DUOX1: variants seen among roughly 807,000 people sequenced by gnomAD.
DUOX1 encodes the protein dual oxidase 1.
Under a neutral mutation model 181.8 loss-of-function variants are expected in DUOX1, and 134 were observed. That is an observed-to-expected ratio of 0.74 (90% CI 0.64 to 0.85). The LOEUF (loss-of-function observed/expected upper bound fraction) is 0.85. Ranked by LOEUF, DUOX1 falls within the 40% of genes least tolerant of loss-of-function variation. The pLI, the probability that DUOX1 is intolerant of heterozygous loss-of-function variation, is 0.00. For missense variants in DUOX1, 1,814 were observed against 2,064.4 expected (o/e 0.88, Z 2.35); for synonymous variants, 798 against 832.5 (o/e 0.96, Z 0.71).
rs748643092 is a variant in DUOX1, at chr15:45,161,729, C to G, written c.3857-9C>G. 2 of 1,612,408 alleles carry G rather than the reference C, an allele frequency of 1.2e-6. No individual in the cohort carries two copies. Among genetic ancestry groups the G allele is most frequent in the South Asian group, 2.2e-5 (2 of 91,014 alleles). On this transcript the variant is annotated splice_polypyrimidine_tract_variant and intron_variant, in intron 29 of 33. Transcript: ENST00000389037. ...GGGCAGCAGCTTCTCACCCACCATCCCTCCCCAGGAGTGACCCACCTGCGG... is the reference window on the plus strand; with the variant it reads ...GGGCAGCAGCTTCTCACCCACCATCGCTCCCCAGGAGTGACCCACCTGCGG...
chr15:45,132,199 T>C (rs562018201), intron 2 of DUOX1, among the ~76,000 whole-genome samples, 175 bp downstream of exon 2: 1 of 152,364 alleles, frequency 6.6e-6, no homozygotes, highest in Admixed American at 6.5e-5. Context: ...AGATGGATAA[T>C]GGAATGAAAA....
At position 45,153,366 on chromosome 15, in the gene DUOX1, C is replaced by T; in HGVS notation, c.3425-14C>T. ...GGCTGCCCCAAGCTCACCACTTGGT[C>T]TGCTCTTCCTTAGTCTTACACAGTG... On this transcript the variant is annotated splice_polypyrimidine_tract_variant and intron_variant, in intron 25 of 33. Coordinates refer to ENST00000389037, the MANE Select transcript of DUOX1 (RefSeq NM_175940.3). 6.2e-7 allele frequency: 1 copy of T among 1,611,560 alleles called. No individual in the cohort carries two copies. Among genetic ancestry groups the T allele is most frequent in the Non-Finnish European group, 8.5e-7 (1 of 1,177,804 alleles).
intron 7 of DUOX1, 57 bp from the exon 8 acceptor site, chr15:45,136,293 C>T (rs756693028): frequency 1.9e-6 from 3 of 1,611,124 alleles, no homozygotes; most frequent in Non-Finnish European, 2.5e-6. Context: ...GGCTCAGACC[C>T]TTCCAGGTCC....
At position 45,155,922 on chromosome 15, in the gene DUOX1, A is replaced by T. The variant is rs771552492; in HGVS notation, c.3695A>T (p.Tyr1232Phe). ...ACCCACCACCTCTACATCCTGCTCTATGTCCTGGTGAGGGCTTTTGGCTGT... is the reference window on the plus strand; with the variant it reads ...ACCCACCACCTCTACATCCTGCTCTTTGTCCTGGTGAGGGCTTTTGGCTGT... ...WLTHHLYILL[Y>F]VLLIIHGSFA... Residue 1232 changes from tyrosine to phenylalanine, a missense_variant, in exon 28 of 34, where the codon TAT (tyrosine) becomes TTT (phenylalanine). Tyr to Phe is a conservative substitution (Grantham distance 22). Coordinates refer to ENST00000389037, the MANE Select transcript of DUOX1 (RefSeq NM_175940.3). 22 of 1,613,848 alleles carry T rather than the reference A, an allele frequency of 1.4e-5. No homozygotes were observed. Among genetic ancestry groups the T allele is most frequent in the Non-Finnish European group, 4.2e-6 (5 of 1,179,982 alleles).
chr15:45,130,374 C>G (rs901761252), intron 1 of DUOX1, among the ~76,000 whole-genome samples: 1 of 152,188 alleles, frequency 6.6e-6, no homozygotes, highest in Non-Finnish European at 1.5e-5. Flanking sequence ...CTCCTGGCAC[C>G]AGCACAACAT....
chr15:45,147,835 CCT>C, intron 19 of DUOX1, 67 bp from the exon 20 acceptor site: 2 of 1,531,272 alleles, frequency 1.3e-6, no homozygotes, highest in Non-Finnish European at 1.8e-6. Flanking sequence ...GTGTGAGGCC[CCT>C]TTTGGCCAGC....
In DUOX1 at chr15:45,135,183, C is replaced by G. The variant is rs747538395; in HGVS notation, c.387C>G (p.Pro129=). 3 of 1,613,488 alleles carry G rather than the reference C, an allele frequency of 1.9e-6. No individual in the cohort carries two copies. The highest frequency in any genetic ancestry group is 2.5e-6 in the Non-Finnish European group (3 of 1,179,986). ...AGTTCCTCAACATTCGCATCCCGCCCGGAGACCCCATGTTCGACCCCGACC... is the reference window on the plus strand; with the variant it reads ...AGTTCCTCAACATTCGCATCCCGCCGGGAGACCCCATGTTCGACCCCGACC... ...PAEFLNIRIP[P]GDPMFDPDQR... The change falls in exon 5 of 34, where the codon CCC becomes CCG. Residue 129 remains proline (P), a synonymous_variant. Transcript: ENST00000389037.
Position 45,165,102 on chromosome 15 carries a change from GT to G in DUOX1, c.*202del. 1 of 608,482 alleles carries G rather than the reference GT, an allele frequency of 1.6e-6. No homozygotes were observed. 37.7% of individuals were successfully genotyped at this position (608,482 alleles called of 1,614,324 possible). A position where few individuals can be genotyped will look rare whatever the true frequency, so the allele number is the denominator to read the frequency against. ...GGATGTGTCTCAGCCTGGAGAAATGGTGGGGGGGCAGTGTCTAGGGACTAGA... is the reference window on the plus strand; with the variant it reads ...GGATGTGTCTCAGCCTGGAGAAATGGGGGGGGGCAGTGTCTAGGGACTAGA... On this transcript the variant is annotated 3_prime_UTR_variant, in exon 34 of 34. Coordinates refer to ENST00000389037, the MANE Select transcript of DUOX1 (RefSeq NM_175940.3).
chr15:45,130,310 C>G (rs1356591010), intron 1 of DUOX1, among the ~76,000 whole-genome samples: 1 of 152,206 alleles, frequency 6.6e-6, no homozygotes, highest in East Asian at 1.9e-4. Context: ...AGACTGGGTT[C>G]TTTGGGACCT....
In DUOX1 at chr15:45,161,880, C is replaced by A. The variant is rs763472250; in HGVS notation, c.3999C>A (p.Ser1333Arg). The change falls in exon 30 of 34, where the codon AGC becomes AGA. Residue 1333 changes from serine (S) to arginine (R), a missense_variant. By Grantham distance (110) the Ser-to-Arg change is moderately radical. Around this residue, in one of 5 missense-constraint regions of DUOX1, gnomAD observed 279 missense variants for 381.9 expected, o/e 0.73. Transcript: ENST00000389037. ...LTSAPHEDTL[S>R]LHIRAAGPWT... ...CTGCGCCCCATGAGGACACGCTTAG[C>A]CTGCACATCCGGGCAGCAGGGCCCT... 5 of 1,613,862 alleles carry A rather than the reference C, an allele frequency of 3.1e-6. No homozygotes were observed. The highest frequency in any genetic ancestry group is 1.3e-5 in the African/African-American group (1 of 74,840).
intron 33 of DUOX1, 114 bp downstream of exon 33, chr15:45,164,032 T>G: frequency 6.9e-7 from 1 of 1,451,772 alleles, no homozygotes; most frequent in Admixed American, 2.1e-5. Context: ...ACCCATCCCC[T>G]GGGAGATTGG....
Position 45,131,906 on chromosome 15 carries a change from G to T in DUOX1, c.-49-12G>T. 6.4e-7 allele frequency: 1 copy of T among 1,563,510 alleles called. No individual in the cohort carries two copies. Among genetic ancestry groups the T allele is most frequent in the South Asian group, 1.1e-5 (1 of 90,044 alleles). On this transcript the variant is annotated splice_polypyrimidine_tract_variant and intron_variant, in intron 1 of 33. Coordinates refer to ENST00000389037, the MANE Select transcript of DUOX1 (RefSeq NM_175940.3). Reference sequence around the variant, plus strand: ...AGTAGCTGGGGCTCATTCTTTGCCTGTCTTTTTCTAGGGTCTCCATTTTGG... The same window carrying T: ...AGTAGCTGGGGCTCATTCTTTGCCTTTCTTTTTCTAGGGTCTCCATTTTGG...
intron 15 of DUOX1, among the ~76,000 whole-genome samples, chr15:45,142,741 G>A (rs546653975): frequency 2.7e-5 from 3 of 110,132 alleles, no homozygotes; most frequent in East Asian, 3.4e-4. Flanking sequence ...GAAAGAAAGA[G>A]AGAGAGAGAG....
chr15:45,154,041 G>A (rs757438902), intron 27 of DUOX1, 41 bp downstream of exon 27: 5 of 1,596,650 alleles, frequency 3.1e-6, no homozygotes, highest in South Asian at 1.1e-5. Context: ...GGACCTGACT[G>A]TGAGTTCAAG....
Position 45,140,991 on chromosome 15 carries a change from C to T in DUOX1, c.1486C>T (p.Leu496=). The T allele has an allele frequency of 6.2e-7, 1 of 1,614,222 alleles. No individual in the cohort carries two copies. The highest frequency in any genetic ancestry group is 2.2e-5 in the East Asian group (1 of 44,890). ...GGAGAGCCACCGGGACCCTGGACCT[C>T]TGTTCAGCACCATCGTCCTTGAACA... The part of the protein sequence containing the change: ...LLESHRDPGP[L]FSTIVLEQFV... The change falls in exon 13 of 34, where the codon CTG becomes TTG. Residue 496 remains leucine (L), a synonymous_variant. Coordinates refer to ENST00000389037, the MANE Select transcript of DUOX1 (RefSeq NM_175940.3).
At chr15:45,141,954 T>C in intron 14 of DUOX1, 21 bp from the exon 15 acceptor site, 1 of 1,600,894 alleles carries the variant, frequency 6.2e-7, no homozygotes, top group Non-Finnish European at 8.5e-7. Context: ...CCCAGGACGC[T>C]GGCTTCCTCT....
chr15:45,159,447 G>A (rs889483340), intron 28 of DUOX1, among the ~76,000 whole-genome samples: 5 of 152,342 alleles, frequency 3.3e-5, no homozygotes, highest in South Asian at 4.1e-4. Flanking sequence ...GCTTCTAAGA[G>A]TAGGAGCCAA....
Position 45,160,891 on chromosome 15 carries a change from T to G in DUOX1, c.3757T>G (p.Phe1253Val), listed in dbSNP as rs1897082202. Reference protein sequence around the residue: ...LIQLPRFHIFFLVPAIIYGGD... With the variant: ...LIQLPRFHIFVLVPAIIYGGD... ...CCAGCTGCCCCGTTTCCACATCTTC[T>G]TCCTGGTCCCAGCAATCATCTATGG... is the stretch of plus-strand genomic sequence containing the variant. The change falls in exon 29 of 34, where the codon TTC becomes GTC. Residue 1253 changes from phenylalanine to valine, a missense_variant. Phe to Val is a conservative substitution (Grantham distance 50, BLOSUM62 -1). Transcript: ENST00000389037. 1 of 1,613,708 alleles carries G rather than the reference T, an allele frequency of 6.2e-7. No homozygotes were observed. The highest frequency in any genetic ancestry group is 8.5e-7 in the Non-Finnish European group (1 of 1,179,832).
At chr15:45,152,876 C>T (rs1896852430) in intron 25 of DUOX1, 1 of 396,686 alleles carries the variant, frequency 2.5e-6, no homozygotes, top group Non-Finnish European at 4.7e-6. Context: ...TGGTTGCGCA[C>T]ATGGATGGTG....
Sources: allele counts gnomAD v4.1 joint callset (sites outside exome capture counted in the v4.1 genomes callset), GRCh38; gene constraint gnomAD v4.1.1; regional missense constraint gnomAD v4.1.1; transcripts MANE v1.5; gene names NCBI Gene and HGNC (gene_info 2026-07-23, HGNC 2026-07-21).